Variants in TMEM239 observed in about 807,000 individuals in gnomAD.
TMEM239 encodes the protein transmembrane protein 239.
Under a neutral mutation model 14.6 loss-of-function variants are expected in TMEM239, and 10 were observed. The ratio of observed to expected loss-of-function variants is 0.68; its 90% CI spans 0.42 to 1.16. TMEM239 has a LOEUF of 1.16. TMEM239 is among the 50% of genes most tolerant of loss of function. TMEM239 has a pLI of 0.00. For synonymous variants in TMEM239, 94 were observed against 89.9 expected (o/e 1.05, Z -0.26); for missense variants, 183 against 194.4 (o/e 0.94, Z 0.35).
At position 2,817,049 on chromosome 20, in the gene TMEM239, G is replaced by T; in HGVS notation, c.*36G>T. On this transcript the variant is annotated 3_prime_UTR_variant, in exon 2 of 2. Transcript: ENST00000380585. ...CCATCCCACTGCCTGTGTCTGTTGA[G>T]CCCTGGCCTAGGGCCTGAGACCCCA... The T allele has an allele frequency of 6.5e-7, 1 of 1,536,666 alleles. No individual in the cohort carries two copies. The highest frequency in any genetic ancestry group is 8.7e-7 in the Non-Finnish European group (1 of 1,146,320).
At position 2,817,684 on chromosome 20, in the gene TMEM239, A is replaced by C. The variant is rs1430164359; in HGVS notation, c.*671A>C. 1 of 153,272 alleles carries C rather than the reference A, an allele frequency of 6.5e-6. No homozygotes were observed. Among genetic ancestry groups the C allele is most frequent in the East Asian group, 1.9e-4 (1 of 5,202 alleles). The allele number at this position is 153,272 out of a possible 1,614,324, so 9.5% of individuals were successfully genotyped here. A position where few individuals can be genotyped will look rare whatever the true frequency, so the allele number is the denominator to read the frequency against. On this transcript the variant is annotated 3_prime_UTR_variant, in exon 2 of 2. Coordinates refer to ENST00000380585, the MANE Select transcript of TMEM239 (RefSeq NM_001167670.3). Reference sequence around the variant, plus strand: ...ACCTACTCACTCTCTAAGAATCCCAAGGTCTGTTATGGAAAAATGATCAAG... The same window carrying C: ...ACCTACTCACTCTCTAAGAATCCCACGGTCTGTTATGGAAAAATGATCAAG...
At chr20:2,820,068 T>C (rs1312447570), downstream of TMEM239, 4 of 152,146 alleles carry the variant, frequency 2.6e-5, no homozygotes, top group Non-Finnish European at 5.9e-5. Flanking sequence ...CATGAACCAA[T>C]CTTAAAATCT....
Position 2,817,331 on chromosome 20 carries a change from G to T in TMEM239, c.*318G>T. The T allele has an allele frequency of 2.0e-6, 1 of 498,840 alleles. No individual in the cohort carries two copies. The highest frequency in any genetic ancestry group is 3.5e-6 in the Non-Finnish European group (1 of 283,642). The allele number at this position is 498,840 out of a possible 1,614,324, so 30.9% of individuals were successfully genotyped here. ...ATATGGATGTGATGATACCCGTGGGGCCCCCTTGGCAACTGACAGCATCTT... is the reference window on the plus strand; with the variant it reads ...ATATGGATGTGATGATACCCGTGGGTCCCCCTTGGCAACTGACAGCATCTT... On this transcript the variant is annotated 3_prime_UTR_variant, in exon 2 of 2. Coordinates refer to ENST00000380585, the MANE Select transcript of TMEM239 (RefSeq NM_001167670.3).
Position 2,816,873 on chromosome 20 carries a change from C to T in TMEM239, c.319C>T (p.Leu107Phe), listed in dbSNP as rs1275752554. ...GGTGTGGCGCCACCTGCTACCGGCT[C>T]TCCTGCTGCTGGTGCTCAGTGCTCT... Reference protein sequence around the residue: ...AAVWRHLLPALLLLVLSALPA... With the variant: ...AAVWRHLLPAFLLLVLSALPA... The change falls in exon 2 of 2, where the codon CTC (leucine) becomes TTC (phenylalanine). Residue 107 changes from leucine (L) to phenylalanine (F), a missense_variant. Physicochemically the swap from Leu to Phe is conservative, Grantham distance 22. Coordinates refer to ENST00000380585, the MANE Select transcript of TMEM239 (RefSeq NM_001167670.3). The T allele has an allele frequency of 6.5e-7, 1 of 1,544,834 alleles. No homozygotes were observed. Among genetic ancestry groups the T allele is most frequent in the Admixed American group, 2.0e-5 (1 of 50,986 alleles).
chr20:2,816,363 C>T (rs1887515120), upstream of TMEM239: 10 of 1,535,796 alleles, frequency 6.5e-6, no homozygotes, highest in Non-Finnish European at 8.7e-6. Flanking sequence ...ATCTGCCTGC[C>T]AGGCCGTCCT....
downstream of TMEM239, chr20:2,818,968 G>A (rs1239239516): frequency 6.6e-6 from 1 of 152,300 alleles, no homozygotes; most frequent in Non-Finnish European, 1.5e-5. Flanking sequence ...GGCTACTCAA[G>A]GGAAGGTGAA....
chr20:2,816,847 C>CACCT lies in TMEM239; in HGVS notation c.293_294insACCT (p.Val99ProfsTer68). On this transcript the variant is annotated frameshift_variant, in exon 2 of 2. Transcript: ENST00000380585. LOFTEE classifies it high-confidence loss of function. The stretch of plus-strand genomic sequence containing the variant: ...AGCTCCTTGTGGCCTGTCGTGGCCG[C>CACCT]GGTGTGGCGCCACCTGCTACCGGCT... 6.5e-7 allele frequency: 1 copy of CACCT among 1,548,328 alleles called. No individual in the cohort carries two copies. Among genetic ancestry groups the CACCT allele is most frequent in the Non-Finnish European group, 8.7e-7 (1 of 1,146,992 alleles).
At position 2,816,676 on chromosome 20, in the gene TMEM239, T is replaced by C. The variant is rs1278857756; in HGVS notation, c.122T>C (p.Met41Thr). 4 of 1,543,564 alleles carry C rather than the reference T, an allele frequency of 2.6e-6. No homozygotes were observed. The highest frequency in any genetic ancestry group is 2.6e-6 in the Non-Finnish European group (3 of 1,145,920). Residue 41 changes from methionine (M) to threonine (T), a missense_variant, in exon 2 of 2, where the codon ATG (methionine) becomes ACG (threonine). Met to Thr is a moderately conservative substitution (Grantham distance 81). Transcript: ENST00000380585. ...TGGGTGCGCTGGTGGGTGAGCCACA[T>C]GCCCCCGAGCTGGATCCAGTGGTGG... is the stretch of plus-strand genomic sequence containing the variant. ...HGWVRWWVSH[M>T]PPSWIQWWST...
At chr20:2,816,330 G>C (rs1004940719), upstream of TMEM239, 4 of 1,535,754 alleles carry the variant, frequency 2.6e-6, no homozygotes, top group African/African-American at 5.5e-5. Flanking sequence ...GGAGGGTGGG[G>C]GTAGATGAGA....
chr20:2,816,706 C>G lies in TMEM239; in HGVS notation c.152C>G (p.Thr51Ser). The G allele has an allele frequency of 6.5e-7, 1 of 1,546,704 alleles. No homozygotes were observed. Among genetic ancestry groups the G allele is most frequent in the Non-Finnish European group, 8.7e-7 (1 of 1,145,672 alleles). The change falls in exon 2 of 2, where the codon ACC becomes AGC. Residue 51 changes from threonine (T) to serine (S), a missense_variant. By Grantham distance (58) the Thr-to-Ser change is moderately conservative. Transcript: ENST00000380585. ...MPPSWIQWWS[T>S]SNWRQPLQRL... Reference sequence around the variant, plus strand: ...CCGAGCTGGATCCAGTGGTGGAGCACCTCGAACTGGCGGCAACCGCTGCAG... The same window carrying G: ...CCGAGCTGGATCCAGTGGTGGAGCAGCTCGAACTGGCGGCAACCGCTGCAG...
chr20:2,817,878 T>C lies in TMEM239; in HGVS notation c.*865T>C, dbSNP rs1326658460. 1.3e-5 allele frequency: 2 copies of C among 152,212 alleles called. No individual in the cohort carries two copies. The highest frequency in any genetic ancestry group is 4.8e-5 in the African/African-American group (2 of 41,450). 9.4% of individuals were successfully genotyped at this position (152,212 alleles called of 1,614,324 possible). ...AAACCTGTAAGATGTTGTTTTGAGC[T>C]CTAAGAACTTTCTGTAGGCGCATAA... is the stretch of plus-strand genomic sequence containing the variant. On this transcript the variant is annotated 3_prime_UTR_variant, in exon 2 of 2. Transcript: ENST00000380585.
upstream of TMEM239, chr20:2,816,182 T>C (rs1252535444): frequency 4.6e-6 from 3 of 646,528 alleles, no homozygotes; most frequent in East Asian, 8.2e-5. Context: ...CATGAGAAAC[T>C]ACATCTGCGG....
rs556111442 is a variant in TMEM239 at position 2,817,418 on chromosome 20, A to G, written c.*405A>G. On this transcript the variant is annotated 3_prime_UTR_variant, in exon 2 of 2. Coordinates refer to ENST00000380585, the MANE Select transcript of TMEM239 (RefSeq NM_001167670.3). ...CACTGAGAACTTCTACCTGGGTACCACTGGCCTTGCCATTCCTCCCACCAA... is the reference window on the plus strand; with the variant it reads ...CACTGAGAACTTCTACCTGGGTACCGCTGGCCTTGCCATTCCTCCCACCAA... 9 of 323,398 alleles carry G rather than the reference A, an allele frequency of 2.8e-5. No individual in the cohort carries two copies. Among genetic ancestry groups the G allele is most frequent in the East Asian group, 1.6e-4 (3 of 18,850 alleles). 20.0% of individuals were successfully genotyped at this position (323,398 alleles called of 1,614,324 possible). A position where few individuals can be genotyped will look rare whatever the true frequency, so the allele number is the denominator to read the frequency against.
At position 2,816,559 on chromosome 20, in the gene TMEM239, T is replaced by C. The variant is rs1320833713; in HGVS notation, c.5T>C (p.Met2Thr). The C allele has an allele frequency of 3.4e-5, 50 of 1,470,216 alleles. No individual in the cohort carries two copies. The highest frequency in any genetic ancestry group is 8.7e-5 in the African/African-American group (6 of 68,598). The allele number at this position is 1,470,216 out of a possible 1,614,324, so 91.1% of individuals were successfully genotyped here. Residue 2 changes from methionine to threonine, a missense_variant, in exon 2 of 2, where the codon ATG (methionine) becomes ACG (threonine). Physicochemically the swap from Met to Thr is moderately conservative, Grantham distance 81. Transcript: ENST00000380585. ...CTCTCCCCAGGTGCACCAGACATGA[T>C]GCAGCAGCCGCGAGTGGAGACAGAT... M[M>T]QQPRVETDTI...
At position 2,817,071 on chromosome 20, in the gene TMEM239, C is replaced by G. The variant is rs2088685431; in HGVS notation, c.*58C>G. 1 of 1,527,340 alleles carries G rather than the reference C, an allele frequency of 6.5e-7. No individual in the cohort carries two copies. The highest frequency in any genetic ancestry group is 1.4e-5 in the African/African-American group (1 of 72,960). 94.6% of individuals were successfully genotyped at this position (1,527,340 alleles called of 1,614,324 possible). A position where few individuals can be genotyped will look rare whatever the true frequency, so the allele number is the denominator to read the frequency against. On this transcript the variant is annotated 3_prime_UTR_variant, in exon 2 of 2. Coordinates refer to ENST00000380585, the MANE Select transcript of TMEM239 (RefSeq NM_001167670.3). ...TGAGCCCTGGCCTAGGGCCTGAGAC[C>G]CCACGGGGAGAGGGAGGGCAATGGG... is the stretch of plus-strand genomic sequence containing the variant.
chr20:2,817,122 C>A lies in TMEM239; in HGVS notation c.*109C>A. 2 of 1,367,066 alleles carry A rather than the reference C, an allele frequency of 1.5e-6. No individual in the cohort carries two copies. Among genetic ancestry groups the A allele is most frequent in the Non-Finnish European group, 2.0e-6 (2 of 1,013,986 alleles). The allele number at this position is 1,367,066 out of a possible 1,614,324, so 84.7% of individuals were successfully genotyped here. The stretch of plus-strand genomic sequence containing the variant: ...ATCAGGGCTCCCTGCCTTGGCAGGG[C>A]CCAGACCCCTAGTCCCTAACAGGTA... On this transcript the variant is annotated 3_prime_UTR_variant, in exon 2 of 2. Transcript: ENST00000380585.
At position 2,816,727 on chromosome 20, in the gene TMEM239, T is replaced by G; in HGVS notation, c.173T>G (p.Leu58Arg). ...AGCACCTCGAACTGGCGGCAACCGC[T>G]GCAGCGCCTGCTGTGGGGTCTGGAG... Reference protein sequence around the residue: ...WWSTSNWRQPLQRLLWGLEGI... With the variant: ...WWSTSNWRQPRQRLLWGLEGI... The change falls in exon 2 of 2, where the codon CTG (leucine) becomes CGG (arginine). Residue 58 changes from leucine (L) to arginine (R), a missense_variant. Coordinates refer to ENST00000380585, the MANE Select transcript of TMEM239 (RefSeq NM_001167670.3). 6 of 1,549,632 alleles carry G rather than the reference T, an allele frequency of 3.9e-6. No individual in the cohort carries two copies. Among genetic ancestry groups the G allele is most frequent in the Non-Finnish European group, 5.2e-6 (6 of 1,146,528 alleles).
chr20:2,816,201 G>A (rs1329908980), upstream of TMEM239: 60 of 722,072 alleles, frequency 8.3e-5, no homozygotes, highest in Non-Finnish European at 1.6e-5. Context: ...GGGGCTCCGA[G>A]GCTCCCCTGC....
chr20:2,816,929 G>C lies in TMEM239; in HGVS notation c.375G>C (p.Leu125=). ...CCCTCCTCTTCACGGCCTCCTTCCT[G>C]CTGCTCTTCTCCACACTGCTGAGCC... is the stretch of plus-strand genomic sequence containing the variant. ...LPALLFTASF[L]LLFSTLLSLV... The change falls in exon 2 of 2, where the codon CTG becomes CTC. Residue 125 remains leucine, a synonymous_variant. Transcript: ENST00000380585. 1 of 1,539,204 alleles carries C rather than the reference G, an allele frequency of 6.5e-7. No individual in the cohort carries two copies. The highest frequency in any genetic ancestry group is 8.7e-7 in the Non-Finnish European group (1 of 1,147,050).
Sources: allele counts gnomAD v4.1 joint callset, GRCh38; gene constraint gnomAD v4.1.1; transcripts MANE v1.5; gene names NCBI Gene and HGNC (gene_info 2026-07-23, HGNC 2026-07-21).